RBFOX1: variants seen among roughly 807,000 people sequenced by gnomAD.
RBFOX1 encodes RNA binding protein fox-1 homolog 1.
Under a neutral mutation model 57.7 loss-of-function variants are expected in RBFOX1, and 8 were observed. The observed-to-expected ratio is 0.14, with a 90% CI of 0.08 to 0.25. RBFOX1 has a LOEUF of 0.25. RBFOX1 is among the 10% of genes least tolerant of loss of function. The pLI is 1.00. For missense variants in RBFOX1, 611 were observed against 548.5 expected, an observed-to-expected ratio of 1.11 and a Z score of -1.14; for synonymous variants, 326 against 222.4, an observed-to-expected ratio of 1.47 and a Z score of -4.15.
chr16:6,982,401 A>C (rs2089163689), intron 3 of RBFOX1, among the ~76,000 whole-genome samples: 1 of 152,176 alleles, frequency 6.6e-6, no homozygotes, highest in African/African-American at 2.4e-5. Context: ...TTCCAGAGTC[A>C]GGGCTCTGAT....
intron 2 of RBFOX1, among the ~76,000 whole-genome samples, chr16:6,353,517 G>C (rs2086760160): frequency 6.6e-6 from 1 of 151,996 alleles, no homozygotes; most frequent in South Asian, 2.1e-4. Flanking sequence ...CTGGGTTTAG[G>C]CATGGGGATG....
chr16:6,796,375 C>T (rs560686182), intron 3 of RBFOX1, among the ~76,000 whole-genome samples: 13 of 152,108 alleles, frequency 8.5e-5, no homozygotes, highest in Non-Finnish European at 1.8e-4. Flanking sequence ...TTACTATAGT[C>T]ATTTTTTGGC....
intron 2 of RBFOX1, among the ~76,000 whole-genome samples, chr16:5,497,452 A>C (rs999522285): frequency 7.9e-5 from 12 of 152,012 alleles, no homozygotes; most frequent in African/African-American, 2.9e-4. Context: ...CAGAGAGACA[A>C]GAAAGAAGCA....
intron 3 of RBFOX1, among the ~76,000 whole-genome samples, chr16:5,723,400 C>G (rs1283732569): frequency 2.6e-3 from 226 of 85,832 alleles, no homozygotes; most frequent in African/African-American, 8.0e-3. Context: ...CAGTGGCTAT[C>G]TCAAGCTTGG....
intron 4 of RBFOX1, among the ~76,000 whole-genome samples, chr16:7,371,438 G>C (rs2097563717): frequency 6.6e-6 from 1 of 152,144 alleles, no homozygotes. Flanking sequence ...AAAGAAAAAA[G>C]CACCATTGTG....
intron 1 of RBFOX1, among the ~76,000 whole-genome samples, chr16:5,257,575 A>T (rs965916549): frequency 5.3e-5 from 8 of 152,198 alleles, no homozygotes; most frequent in African/African-American, 1.9e-4. Context: ...ATTCTCATGC[A>T]GCCAGCCTGT....
intron 2 of RBFOX1, among the ~76,000 whole-genome samples, chr16:5,574,004 A>G (rs977562388): frequency 6.6e-6 from 1 of 152,176 alleles, no homozygotes; most frequent in African/African-American, 2.4e-5. Context: ...TTCCGAAACC[A>G]TATCTTGTTT....
intron 3 of RBFOX1, among the ~76,000 whole-genome samples, chr16:6,838,201 C>G (rs977680652): frequency 2.0e-5 from 3 of 151,978 alleles, no homozygotes; most frequent in African/African-American, 7.3e-5. Context: ...CCGACAGGCC[C>G]CAGTGTGTAT....
chr16:7,280,943 G>T (rs1463801856), intron 4 of RBFOX1, among the ~76,000 whole-genome samples: 1 of 145,532 alleles, frequency 6.9e-6, no homozygotes, highest in Non-Finnish European at 1.5e-5. Context: ...AATTGCATGT[G>T]ATTCCCTACC....
chr16:5,485,345 C>CAAAAAAAAAAAAA (rs71142624), intron 2 of RBFOX1, among the ~76,000 whole-genome samples: 761 of 51,580 alleles, frequency 0.015, 81 homozygotes, highest in Non-Finnish European at 0.015. Flanking sequence ...GACTCCGTGT[C>CAAAAAAAAAAAAA]AAAAAAAAAA....
intron 4 of RBFOX1, among the ~76,000 whole-genome samples, chr16:7,172,712 A>C (rs1364560802): frequency 2.0e-5 from 3 of 152,196 alleles, no homozygotes; most frequent in African/African-American, 7.2e-5. Context: ...CTTGACACAC[A>C]ATGATGAGTT....
At chr16:6,776,702 C>G (rs530945058) in intron 3 of RBFOX1, among the ~76,000 whole-genome samples, 2 of 152,320 alleles carry the variant, frequency 1.3e-5, no homozygotes, top group Middle Eastern at 3.4e-3. Flanking sequence ...TCCCCCATGC[C>G]TGCCAGGATG....
At chr16:6,370,990 G>T (rs974167130) in intron 2 of RBFOX1, among the ~76,000 whole-genome samples, 6 of 152,152 alleles carry the variant, frequency 3.9e-5, no homozygotes, top group South Asian at 2.1e-4. Context: ...TATGATCCCA[G>T]TTGGGGTGTG....
intron 4 of RBFOX1, among the ~76,000 whole-genome samples, chr16:7,236,350 G>C (rs17670782): frequency 0.093 from 14,142 of 152,142 alleles, 803 homozygotes; most frequent in East Asian, 0.18. Flanking sequence ...GCAAAAAGTA[G>C]AACATTTCTC....
upstream of RBFOX1, among the ~76,000 whole-genome samples, chr16:6,018,423 T>C (rs1024725423): frequency 4.6e-5 from 7 of 152,202 alleles, no homozygotes; most frequent in Admixed American, 6.5e-5. Flanking sequence ...TATTAAGTGC[T>C]AGTGTGTATT....
intron 1 of RBFOX1, among the ~76,000 whole-genome samples, chr16:6,172,923 A>G (rs1873805394): frequency 6.6e-6 from 1 of 152,120 alleles, no homozygotes; most frequent in Non-Finnish European, 1.5e-5. Flanking sequence ...GCTGATGTGG[A>G]GAATCTTAGC....
chr16:5,379,637 C>T (rs2066080039), intron 1 of RBFOX1, among the ~76,000 whole-genome samples: 1 of 152,138 alleles, frequency 6.6e-6, no homozygotes, highest in African/African-American at 2.4e-5. Flanking sequence ...TCCATGAGCT[C>T]CAGCCACCAA....
chr16:5,388,700 GA>G (rs1445880326), intron 1 of RBFOX1, among the ~76,000 whole-genome samples: 1 of 151,890 alleles, frequency 6.6e-6, no homozygotes, highest in Non-Finnish European at 1.5e-5. Context: ...TCAGCCTTCT[GA>G]GTAGCTGGGA....
intron 4 of RBFOX1, among the ~76,000 whole-genome samples, chr16:7,246,262 A>G (rs577065324): frequency 6.6e-6 from 1 of 152,208 alleles, no homozygotes; most frequent in African/African-American, 2.4e-5. Flanking sequence ...CACCACCCTA[A>G]TCCAATGCAA....
Sources: gnomAD v4.1 joint callset for allele counts (sites outside exome capture counted in the v4.1 genomes callset) on GRCh38, gnomAD v4.1.1 for gene constraint, MANE v1.5 for transcripts, NCBI Gene and HGNC (gene_info 2026-07-23, HGNC 2026-07-21) for gene names.